GPATCH2: variants seen among roughly 807,000 people sequenced by gnomAD.
The protein encoded by GPATCH2 is G patch domain-containing protein 2.
A neutral mutation model predicts 58.0 loss-of-function variants in GPATCH2; 51 were observed. That is an observed-to-expected ratio of 0.88 (90% confidence interval 0.70 to 1.11). The LOEUF (loss-of-function observed/expected upper bound fraction) is 1.11. Ranked by LOEUF, GPATCH2 falls within the 50% of genes most tolerant of loss-of-function variation. The pLI is 0.00. For missense variants in GPATCH2, 625 were observed against 652.2 expected (o/e 0.96, Z 0.45); for synonymous variants, 222 against 218.5 (o/e 1.02, Z -0.14).
At chr1:217,615,486 G>C (rs1189745499) in intron 2 of GPATCH2, among the ~76,000 whole-genome samples, 1 of 152,022 alleles carries the variant, frequency 6.6e-6, no homozygotes, top group Admixed American at 6.6e-5. Flanking sequence ...TAATGTGAGA[G>C]TGTTAAAATC....
At chr1:217,433,185 T>G (rs972558822) in intron 9 of GPATCH2, among the ~76,000 whole-genome samples, 1 of 151,934 alleles carries the variant, frequency 6.6e-6, no homozygotes, top group Non-Finnish European at 1.5e-5. Flanking sequence ...TCCTACTCTT[T>G]CTCTGAGACT....
chr1:217,536,428 GCTT>G (rs561517651), intron 5 of GPATCH2, among the ~76,000 whole-genome samples: 1 of 152,036 alleles, frequency 6.6e-6, no homozygotes, highest in Non-Finnish European at 1.5e-5. Flanking sequence ...CCATTCTTTT[GCTT>G]CTTATTTTAT....
At chr1:217,572,114 A>T (rs1305203305) in intron 5 of GPATCH2, among the ~76,000 whole-genome samples, 1 of 152,126 alleles carries the variant, frequency 6.6e-6, no homozygotes, top group Non-Finnish European at 1.5e-5. Flanking sequence ...TTGTGGGACA[A>T]TCATGTGGCA....
intron 8 of GPATCH2, among the ~76,000 whole-genome samples, chr1:217,474,006 A>G (rs1660854962): frequency 6.6e-6 from 1 of 152,228 alleles, no homozygotes; most frequent in South Asian, 2.1e-4. Context: ...TATAGGACTC[A>G]TTATGCATCC....
At chr1:217,442,837 A>G (rs1659208152) in intron 9 of GPATCH2, among the ~76,000 whole-genome samples, 1 of 152,168 alleles carries the variant, frequency 6.6e-6, no homozygotes, top group Non-Finnish European at 1.5e-5. Flanking sequence ...TACATTTATC[A>G]TGATTACTAA....
At chr1:217,529,154 A>T (rs990571253) in intron 5 of GPATCH2, among the ~76,000 whole-genome samples, 1 of 152,218 alleles carries the variant, frequency 6.6e-6, no homozygotes, top group Non-Finnish European at 1.5e-5. Flanking sequence ...GAGAACTGCA[A>T]GAACAAGCAT....
rs763492068 is a variant in GPATCH2, at chr1:217,430,499, T to C, written c.*646A>G. The C allele has an allele frequency of 3.3e-5, 5 of 152,254 alleles. No individual in the cohort carries two copies. Among genetic ancestry groups the C allele is most frequent in the Non-Finnish European group, 5.9e-5 (4 of 68,050 alleles). The allele number at this position is 152,254 out of a possible 1,614,324, so 9.4% of individuals were successfully genotyped here. The stretch of plus-strand genomic sequence containing the variant: ...AGTAAGGTAGAGGGCACTCTGGTGA[T>C]AACAACGATGAGGTTTATTTTTGTC... On this transcript the variant is annotated 3_prime_UTR_variant, in exon 10 of 10. Coordinates refer to ENST00000366935, the MANE Select transcript of GPATCH2 (RefSeq NM_018040.5).
intron 8 of GPATCH2, among the ~76,000 whole-genome samples, chr1:217,453,869 T>A (rs1294368454): frequency 1.3e-5 from 2 of 152,132 alleles, no homozygotes; most frequent in Non-Finnish European, 2.9e-5. Context: ...TTAGGCCTAG[T>A]TAAAGCTGCC....
chr1:217,467,727 G>A lies in GPATCH2; in HGVS notation c.1278-18390C>T, dbSNP rs540586265. Among the ~76,000 whole-genome samples, 326 of 151,956 alleles carry A rather than the reference G, an allele frequency of 2.1e-3. 2 individuals are homozygous for A. Among genetic ancestry groups the A allele is most frequent in the Middle Eastern group, 0.021 (6 of 290 alleles). On this transcript the variant is annotated intron_variant, in intron 8 of 9. Transcript: ENST00000366935. ...AAAAAAAATCCTAACTCATTTATCT[G>A]AAAAGGCCTAGAAACACAGACATTC...
At chr1:217,509,327 T>G (rs540032341) in intron 6 of GPATCH2, among the ~76,000 whole-genome samples, 1 of 152,212 alleles carries the variant, frequency 6.6e-6, no homozygotes, top group South Asian at 2.1e-4. Flanking sequence ...GAGTGAGTCA[T>G]CTGGCTTTTT....
chr1:217,445,889 G>A (rs914937118), intron 9 of GPATCH2, among the ~76,000 whole-genome samples: 19 of 152,074 alleles, frequency 1.2e-4, no homozygotes, highest in Non-Finnish European at 1.0e-4. Context: ...GCAGGTAAAC[G>A]TAATCAATTC....
chr1:217,626,892 T>C (rs760909954), intron 1 of GPATCH2, among the ~76,000 whole-genome samples: 36 of 151,864 alleles, frequency 2.4e-4, no homozygotes, highest in Non-Finnish European at 4.9e-4. Flanking sequence ...TAGGGTGGGA[T>C]AGGGAAGAAT....
intron 8 of GPATCH2, among the ~76,000 whole-genome samples, chr1:217,466,671 A>G (rs1480094102): frequency 6.6e-6 from 1 of 152,200 alleles, no homozygotes; most frequent in Non-Finnish European, 1.5e-5. Flanking sequence ...AGGGGCCTCA[A>G]AAAGGAAGGG....
At chr1:217,607,517 A>G (rs1319663123) in intron 5 of GPATCH2, among the ~76,000 whole-genome samples, 6 of 152,184 alleles carry the variant, frequency 3.9e-5, no homozygotes, top group Non-Finnish European at 7.3e-5. Context: ...TTCAGCCGTA[A>G]GTTATAGTGC....
At chr1:217,504,272 T>G (rs1200303335) in intron 6 of GPATCH2, among the ~76,000 whole-genome samples, 1 of 152,160 alleles carries the variant, frequency 6.6e-6, no homozygotes, top group African/African-American at 2.4e-5. Flanking sequence ...CTAGGGTTTA[T>G]AGGAATGAGA....
chr1:217,611,109 C>A, intron 3 of GPATCH2, 38 bp from the exon 4 acceptor site: 1 of 1,546,660 alleles, frequency 6.5e-7, no homozygotes, highest in South Asian at 1.2e-5. Context: ...ACCAAAGACT[C>A]AGTTTTATCA....
At chr1:217,535,193 G>T (rs1230736563) in intron 5 of GPATCH2, among the ~76,000 whole-genome samples, 3 of 152,194 alleles carry the variant, frequency 2.0e-5, no homozygotes, top group Non-Finnish European at 4.4e-5. Context: ...TCCTGGTACT[G>T]TTGCTGGTTT....
At chr1:217,611,278 A>T (rs1325659166) in intron 3 of GPATCH2, among the ~76,000 whole-genome samples, 1 of 152,136 alleles carries the variant, frequency 6.6e-6, no homozygotes, top group Non-Finnish European at 1.5e-5. Flanking sequence ...TACCTGTACT[A>T]AAAAATTATG....
At chr1:217,630,800 A>G (rs763489474) in intron 1 of GPATCH2, 116 bp downstream of exon 1, 7 of 721,854 alleles carry the variant, frequency 9.7e-6, no homozygotes, top group Non-Finnish European at 1.6e-5. Flanking sequence ...CAAGGCCTAG[A>G]TGTCTTCAGA....
Sources: allele counts gnomAD v4.1 joint callset (sites outside exome capture counted in the v4.1 genomes callset), GRCh38; gene constraint gnomAD v4.1.1; transcripts MANE v1.5; gene names NCBI Gene and HGNC (gene_info 2026-07-23, HGNC 2026-07-21).